Variants in DCAF1 observed in about 807,000 individuals in gnomAD.
DCAF1 encodes the protein DDB1- and CUL4-associated factor 1.
A neutral mutation model predicts 128.0 loss-of-function variants in DCAF1; 15 were observed. The ratio of observed to expected loss-of-function variants is 0.12; its 90% CI spans 0.08 to 0.18. The LOEUF (loss-of-function observed/expected upper bound fraction) is 0.18, where lower values mean the gene tolerates loss of function less well. Among genes scored for constraint, DCAF1 ranks in the 10% least tolerant of loss-of-function variants. The pLI, the probability that DCAF1 is intolerant of heterozygous loss-of-function variation, is 1.00. For synonymous variants in DCAF1, 610 were observed against 603.0 expected (o/e 1.01, Z -0.17); for missense variants, 988 against 1,649.5 (o/e 0.60, Z 6.95).
chr3:51,404,566 T>C (rs1234392412), intron 23 of DCAF1, among the ~76,000 whole-genome samples: 2 of 152,246 alleles, frequency 1.3e-5, no homozygotes, highest in Non-Finnish European at 2.9e-5. Flanking sequence ...GTAGCTCCGC[T>C]TTGTGGACTT....
intron 11 of DCAF1, among the ~76,000 whole-genome samples, chr3:51,429,732 T>A (rs1700208815): frequency 6.6e-6 from 1 of 152,106 alleles, no homozygotes; most frequent in Non-Finnish European, 1.5e-5. Context: ...AAGCTTTTAA[T>A]CATATTAAAA....
At chr3:51,495,705 C>A (rs1317844056) in intron 2 of DCAF1, among the ~76,000 whole-genome samples, 2 of 151,584 alleles carry the variant, frequency 1.3e-5, no homozygotes, top group Admixed American at 6.6e-5. Context: ...CCAGCCTGGA[C>A]AACATGGTGA....
intron 6 of DCAF1, among the ~76,000 whole-genome samples, chr3:51,457,245 C>T (rs1287802491): frequency 6.6e-6 from 1 of 152,120 alleles, no homozygotes; most frequent in Non-Finnish European, 1.5e-5. Flanking sequence ...AAAACCAAGG[C>T]ACAGAAAGCT....
At chr3:51,436,993 C>T (rs1192959564) in intron 9 of DCAF1, among the ~76,000 whole-genome samples, 1 of 152,012 alleles carries the variant, frequency 6.6e-6, no homozygotes, top group East Asian at 1.9e-4. Flanking sequence ...ACAGGTGCAG[C>T]GGCTCACGCC....
intron 5 of DCAF1, among the ~76,000 whole-genome samples, chr3:51,464,678 TAAAAAA>T (rs879952626): frequency 7.4e-6 from 1 of 135,406 alleles, no homozygotes; most frequent in Non-Finnish European, 1.6e-5. Flanking sequence ...GATGCTGTCT[TAAAAAA>T]AAAAAAAAAG....
At chr3:51,401,603 G>C (rs1196678008) in intron 24 of DCAF1, among the ~76,000 whole-genome samples, 15 of 152,224 alleles carry the variant, frequency 9.9e-5, no homozygotes, top group Non-Finnish European at 1.5e-5. Flanking sequence ...CCTTTGGCTT[G>C]AAAGAAGGAA....
intron 18 of DCAF1, 117 bp downstream of exon 18, chr3:51,416,670 G>A (rs1698907619): frequency 2.2e-6 from 3 of 1,387,994 alleles, no homozygotes; most frequent in Admixed American, 2.0e-5. Context: ...TAACTAGAAG[G>A]AATATCACTG....
At chr3:51,489,152 C>T (rs1200422592) in intron 2 of DCAF1, among the ~76,000 whole-genome samples, 3 of 151,924 alleles carry the variant, frequency 2.0e-5, no homozygotes, top group Admixed American at 1.3e-4. Flanking sequence ...TGGAGTCCTC[C>T]GCCTGGCGTG....
chr3:51,403,048 C>A, intron 24 of DCAF1, 95 bp downstream of exon 24: 1 of 1,498,670 alleles, frequency 6.7e-7, no homozygotes, highest in Non-Finnish European at 8.9e-7. Flanking sequence ...GGGCACAGAA[C>A]CGTGGTATGG....
intron 9 of DCAF1, chr3:51,438,189 G>T: frequency 3.2e-6 from 1 of 314,110 alleles, no homozygotes; most frequent in Non-Finnish European, 6.2e-6. Flanking sequence ...GGTAACTTCA[G>T]TTTTTCATGA....
intron 23 of DCAF1, among the ~76,000 whole-genome samples, chr3:51,412,109 T>TA (rs782087400): frequency 0.062 from 1,836 of 29,418 alleles, 230 homozygotes; most frequent in African/African-American, 0.13. Flanking sequence ...AACTCCATTC[T>TA]AAAAAAAAAA....
chr3:51,499,517 G>A (rs1013987088), intron 1 of DCAF1, among the ~76,000 whole-genome samples: 1 of 152,162 alleles, frequency 6.6e-6, no homozygotes, highest in African/African-American at 2.4e-5. Context: ...CAGAGACTAG[G>A]AGGATTGGAA....
chr3:51,428,143 G>C lies in DCAF1; in HGVS notation c.1678-602C>G, dbSNP rs182485555. On this transcript the variant is annotated intron_variant, in intron 12 of 24. Coordinates refer to ENST00000684031, the MANE Select transcript of DCAF1 (RefSeq NM_001387579.1). Reference sequence around the variant, plus strand: ...GTTTCCTTTGTGCATATAAGTTACAGCTTAAGAGAAAGAAGCATCATGTGA... The same window carrying C: ...GTTTCCTTTGTGCATATAAGTTACACCTTAAGAGAAAGAAGCATCATGTGA... Among the ~76,000 whole-genome samples the C allele has an allele frequency of 7.8e-4, 118 of 151,968 alleles. 1 individual carries two copies. The South Asian group carries it at 0.014, about 17-fold the overall frequency.
intron 13 of DCAF1, 141 bp downstream of exon 13, chr3:51,427,231 C>T: frequency 1.8e-6 from 1 of 549,726 alleles, no homozygotes; most frequent in South Asian, 2.6e-5. Flanking sequence ...ATTTTCATGC[C>T]TAATCTAATT....
intron 14 of DCAF1, among the ~76,000 whole-genome samples, chr3:51,421,727 T>G (rs1699408084): frequency 6.6e-6 from 1 of 152,178 alleles, no homozygotes; most frequent in Non-Finnish European, 1.5e-5. Flanking sequence ...CGACTTCCCA[T>G]GCTCACCCCA....
At chr3:51,494,304 C>T (rs1032782148) in intron 2 of DCAF1, among the ~76,000 whole-genome samples, 15 of 151,808 alleles carry the variant, frequency 9.9e-5, no homozygotes, top group South Asian at 2.1e-4. Flanking sequence ...GTAGTACAGA[C>T]GGGGTTTCAC....
At chr3:51,446,509 T>G (rs1477296868) in intron 6 of DCAF1, among the ~76,000 whole-genome samples, 1 of 152,052 alleles carries the variant, frequency 6.6e-6, no homozygotes, top group Non-Finnish European at 1.5e-5. Flanking sequence ...TGGACTCCTA[T>G]AGTTCACGCT....
At chr3:51,400,273 G>A (rs2089562067) in intron 24 of DCAF1, among the ~76,000 whole-genome samples, 1 of 152,168 alleles carries the variant, frequency 6.6e-6, no homozygotes, top group Non-Finnish European at 1.5e-5. Context: ...AGTGTCACAG[G>A]AGGGTGTGGG....
chr3:51,412,293 G>A (rs970880883), intron 23 of DCAF1, 86 bp downstream of exon 23: 3 of 1,574,026 alleles, frequency 1.9e-6, no homozygotes, highest in Non-Finnish European at 2.6e-6. Flanking sequence ...AGGTTGAGTA[G>A]ACCTTTAAAA....
Sources: allele counts gnomAD v4.1 joint callset (sites outside exome capture counted in the v4.1 genomes callset), GRCh38; gene constraint gnomAD v4.1.1; transcripts MANE v1.5; gene names NCBI Gene and HGNC (gene_info 2026-07-23, HGNC 2026-07-21).